The following YAP1 variants were observed in gnomAD, a reference collection of about 807,000 sequenced individuals.
YAP1 encodes transcriptional coactivator YAP1.
Under a neutral mutation model 56.9 loss-of-function variants are expected in YAP1, and 5 were observed. That is an observed-to-expected ratio of 0.09 (90% confidence interval 0.05 to 0.18). YAP1 has a LOEUF of 0.18. Ranked by LOEUF, YAP1 falls within the 10% of genes least tolerant of loss-of-function variation. The pLI, the probability that YAP1 is intolerant of heterozygous loss-of-function variation, is 1.00. For synonymous variants in YAP1, 265 were observed against 248.1 expected (o/e 1.07, Z -0.64); for missense variants, 539 against 651.8 (o/e 0.83, Z 1.88).
At chr11:102,130,025 C>T (rs1231007588) in intron 2 of YAP1, among the ~76,000 whole-genome samples, 1 of 151,986 alleles carries the variant, frequency 6.6e-6, no homozygotes, top group Non-Finnish European at 1.5e-5. Context: ...AATCCACCTG[C>T]CTCAGCTTCC....
intron 2 of YAP1, among the ~76,000 whole-genome samples, chr11:102,156,619 T>G (rs1945963428): frequency 6.6e-6 from 1 of 152,260 alleles, no homozygotes; most frequent in Non-Finnish European, 1.5e-5. Flanking sequence ...CATACTCTAA[T>G]GACATCTGTT....
At chr11:102,158,583 CAG>C (rs567031914) in intron 2 of YAP1, among the ~76,000 whole-genome samples, 89 of 152,278 alleles carry the variant, frequency 5.8e-4, no homozygotes, top group Admixed American at 1.1e-3. Flanking sequence ...TCTTGAATAG[CAG>C]GGGTATGAAA....
intron 3 of YAP1, among the ~76,000 whole-genome samples, chr11:102,167,814 G>C (rs770638474): frequency 1.8e-4 from 28 of 152,154 alleles, no homozygotes; most frequent in Non-Finnish European, 3.4e-4. Flanking sequence ...AAGGTGGGAG[G>C]ATTGCTTGAG....
intron 7 of YAP1, among the ~76,000 whole-genome samples, chr11:102,226,691 A>C (rs1950213143): frequency 6.6e-6 from 1 of 152,224 alleles, no homozygotes; most frequent in Non-Finnish European, 1.5e-5. Context: ...TACTTAGTCT[A>C]AAGTGAAAAT....
intron 2 of YAP1, among the ~76,000 whole-genome samples, chr11:102,152,351 G>C (rs1344857772): frequency 6.6e-6 from 1 of 152,178 alleles, no homozygotes; most frequent in Non-Finnish European, 1.5e-5. Flanking sequence ...TCTTCTACCA[G>C]TGACCCCGAT....
intron 2 of YAP1, among the ~76,000 whole-genome samples, chr11:102,127,717 A>G (rs902668465): frequency 6.6e-6 from 1 of 152,148 alleles, no homozygotes; most frequent in Non-Finnish European, 1.5e-5. Context: ...AGAATGGTAG[A>G]TCCACTGACA....
intron 4 of YAP1, among the ~76,000 whole-genome samples, chr11:102,193,099 G>T (rs1344672469): frequency 6.6e-6 from 1 of 152,140 alleles, no homozygotes; most frequent in Non-Finnish European, 1.5e-5. Context: ...CCATAAAGTT[G>T]CCATGACAGA....
intron 2 of YAP1, among the ~76,000 whole-genome samples, chr11:102,133,963 A>G (rs1282384541): frequency 6.6e-6 from 1 of 152,192 alleles, no homozygotes; most frequent in Non-Finnish European, 1.5e-5. Flanking sequence ...AAGAAAATAC[A>G]CACTGTCATG....
chr11:102,134,433 T>C (rs904531576), intron 2 of YAP1, among the ~76,000 whole-genome samples: 2 of 150,560 alleles, frequency 1.3e-5, no homozygotes, highest in African/African-American at 2.4e-5. Context: ...ATGTACTTTG[T>C]CCTAATATGC....
chr11:102,211,576 T>C (rs1949404749), intron 6 of YAP1, among the ~76,000 whole-genome samples: 1 of 152,190 alleles, frequency 6.6e-6, no homozygotes, highest in Non-Finnish European at 1.5e-5. Flanking sequence ...GGGTTATATT[T>C]GAAATAGATC....
At chr11:102,166,540 T>C (rs960366821) in intron 3 of YAP1, among the ~76,000 whole-genome samples, 2 of 152,210 alleles carry the variant, frequency 1.3e-5, no homozygotes, top group Non-Finnish European at 2.9e-5. Flanking sequence ...TGTGAGAGCA[T>C]GTAAGTAAAT....
chr11:102,200,197 C>CA (rs1440516027), intron 4 of YAP1, among the ~76,000 whole-genome samples: 2 of 151,996 alleles, frequency 1.3e-5, no homozygotes, highest in East Asian at 3.8e-4. Flanking sequence ...CTGGAAATAA[C>CA]AAAATGTCAG....
chr11:102,134,236 T>C (rs1284188143), intron 2 of YAP1, among the ~76,000 whole-genome samples: 6 of 152,176 alleles, frequency 3.9e-5, no homozygotes, highest in African/African-American at 1.4e-4. Context: ...GCCATTGACT[T>C]GTTAGGGAAA....
At chr11:102,183,740 T>TGTGTGTGTGTGTG in intron 3 of YAP1, among the ~76,000 whole-genome samples, 1 of 81,698 alleles carries the variant, frequency 1.2e-5, no homozygotes, top group East Asian at 4.0e-4. Context: ...GTGTGTGTGT[T>TGTGTGTGTGTGTG]TAAACCACAT....
intron 4 of YAP1, among the ~76,000 whole-genome samples, chr11:102,194,899 T>G (rs1948494159): frequency 6.6e-6 from 1 of 152,312 alleles, no homozygotes; most frequent in South Asian, 2.1e-4. Context: ...AAGTATATTT[T>G]AAAAGATAAT....
chr11:102,196,440 T>G (rs1018143959), intron 4 of YAP1, among the ~76,000 whole-genome samples: 11 of 152,112 alleles, frequency 7.2e-5, no homozygotes, highest in Non-Finnish European at 1.2e-4. Flanking sequence ...CTGGAAAACA[T>G]TATAAATGAG....
intron 6 of YAP1, among the ~76,000 whole-genome samples, chr11:102,222,928 C>T (rs1419830487): frequency 1.3e-5 from 2 of 151,336 alleles, no homozygotes; most frequent in African/African-American, 2.4e-5. Context: ...TAAGAGTTGT[C>T]GAGTAAAAGC....
chr11:102,199,733 A>G (rs1948755240), intron 4 of YAP1, among the ~76,000 whole-genome samples: 1 of 152,194 alleles, frequency 6.6e-6, no homozygotes, highest in South Asian at 2.1e-4. Context: ...GTAGTGCTAG[A>G]GGCCTGCCAG....
intron 2 of YAP1, among the ~76,000 whole-genome samples, chr11:102,150,992 G>C (rs1249216049): frequency 1.3e-5 from 2 of 151,570 alleles, no homozygotes; most frequent in African/African-American, 2.4e-5. Flanking sequence ...GTAGAGACAG[G>C]GTTTCACCAT....
Sources: gnomAD v4.1 joint callset for allele counts (sites outside exome capture counted in the v4.1 genomes callset) on GRCh38, gnomAD v4.1.1 for gene constraint, MANE v1.5 for transcripts, NCBI Gene and HGNC (gene_info 2026-07-23, HGNC 2026-07-21) for gene names.